The following SYT14 variants were observed in gnomAD, a reference collection of about 807,000 sequenced individuals.
SYT14 encodes synaptotagmin 14.
Under a neutral mutation model 74.2 loss-of-function variants are expected in SYT14, and 32 were observed. The ratio of observed to expected loss-of-function variants is 0.43; its 90% CI spans 0.33 to 0.58. The LOEUF is 0.58. Ranked by LOEUF, SYT14 falls within the 20% of genes least tolerant of loss-of-function variation. The probability of loss-of-function intolerance (pLI) is 0.05; values close to 1 mark genes in which losing one functional copy is unlikely to be tolerated. For synonymous variants in SYT14, 298 were observed against 337.7 expected (o/e 0.88, Z 1.29); for missense variants, 791 against 981.8 (o/e 0.81, Z 2.60).
At chr1:210,026,185 TCA>T (rs2080407620) in intron 5 of SYT14, among the ~76,000 whole-genome samples, 1 of 152,152 alleles carries the variant, frequency 6.6e-6, no homozygotes, top group African/African-American at 2.4e-5. Context: ...ATCCTTTTGT[TCA>T]CAGTTTTAAT....
chr1:209,969,593 T>C (rs2079213305), intron 2 of SYT14, among the ~76,000 whole-genome samples: 1 of 151,236 alleles, frequency 6.6e-6, no homozygotes, highest in South Asian at 2.1e-4. Flanking sequence ...GTTCAAGTGA[T>C]TCTCCTTCCT....
At chr1:209,954,783 G>A (rs984249139) in intron 2 of SYT14, among the ~76,000 whole-genome samples, 7 of 150,482 alleles carry the variant, frequency 4.7e-5, no homozygotes, top group Non-Finnish European at 8.8e-5. Flanking sequence ...TTGGCCCACT[G>A]CAACCTCTGC....
intron 5 of SYT14, among the ~76,000 whole-genome samples, chr1:210,042,967 G>A (rs1450551827): frequency 6.6e-6 from 1 of 152,156 alleles, no homozygotes; most frequent in East Asian, 1.9e-4. Context: ...TCACGATATT[G>A]ATTCTTCCTA....
chr1:210,008,347 C>G (rs1024614210), intron 2 of SYT14, among the ~76,000 whole-genome samples: 3 of 151,006 alleles, frequency 2.0e-5, no homozygotes, highest in African/African-American at 7.3e-5. Flanking sequence ...TAATTATTGG[C>G]TGTGTGCTTT....
chr1:210,087,266 A>T (rs1452901779), intron 5 of SYT14, among the ~76,000 whole-genome samples: 1 of 152,178 alleles, frequency 6.6e-6, no homozygotes, highest in East Asian at 1.9e-4. Flanking sequence ...AGGCTCTAGT[A>T]TCCCGATAGG....
intron 2 of SYT14, among the ~76,000 whole-genome samples, chr1:209,978,377 G>T (rs568348768): frequency 6.6e-6 from 1 of 152,116 alleles, no homozygotes; most frequent in African/African-American, 2.4e-5. Context: ...GTACAGATGG[G>T]ATTTTGGTGT....
chr1:209,948,688 A>T (rs1034849038), intron 1 of SYT14, among the ~76,000 whole-genome samples: 1 of 151,334 alleles, frequency 6.6e-6, no homozygotes, highest in Non-Finnish European at 1.5e-5. Context: ...ATAATGTTCT[A>T]TTTTTTTTTC....
At chr1:209,954,866 C>T (rs999666037) in intron 2 of SYT14, among the ~76,000 whole-genome samples, 32 of 151,858 alleles carry the variant, frequency 2.1e-4, no homozygotes, top group Non-Finnish European at 2.9e-4. Context: ...CCACCATGCC[C>T]GGCTAATTTT....
At chr1:209,994,094 G>C (rs1367499048) in intron 2 of SYT14, among the ~76,000 whole-genome samples, 1 of 152,136 alleles carries the variant, frequency 6.6e-6, no homozygotes, top group Non-Finnish European at 1.5e-5. Context: ...AAGCCAAAGT[G>C]TCCCCCTACC....
At chr1:210,051,735 CT>C (rs1003011948) in intron 5 of SYT14, among the ~76,000 whole-genome samples, 15 of 151,932 alleles carry the variant, frequency 9.9e-5, no homozygotes, top group Non-Finnish European at 2.1e-4. Flanking sequence ...CTCCTTCCTT[CT>C]TTTTTACATC....
chr1:209,946,913 G>A (rs536557997), intron 1 of SYT14, among the ~76,000 whole-genome samples: 7 of 152,298 alleles, frequency 4.6e-5, no homozygotes, highest in East Asian at 1.9e-4. Context: ...GCCCATTGAC[G>A]ATTCTGAAAA....
rs140822327 is a variant in SYT14, at chr1:210,105,503, A to G, written c.2034+5042A>G. Among the ~76,000 whole-genome samples the G allele has an allele frequency of 3.3e-5, 5 of 152,372 alleles. No individual in the cohort carries two copies. The East Asian group carries it at 9.6e-4, about 29-fold the overall frequency. The stretch of plus-strand genomic sequence containing the variant: ...TCGATATGTTGTATAAGGAGGAAGT[A>G]AACCATTGTTGAATTAAGCTGCTGA... On this transcript the variant is annotated intron_variant, in intron 7 of 9. Coordinates refer to ENST00000637265, the Ensembl canonical transcript of SYT14.
At chr1:210,148,729 A>G (rs1162597763) in intron 7 of SYT14, among the ~76,000 whole-genome samples, 2 of 152,142 alleles carry the variant, frequency 1.3e-5, no homozygotes, top group East Asian at 3.9e-4. Context: ...AGAAAGAGGA[A>G]AAAAAGATGG....
intron 7 of SYT14, among the ~76,000 whole-genome samples, chr1:210,137,737 G>A (rs2082819407): frequency 6.6e-6 from 1 of 150,868 alleles, no homozygotes; most frequent in African/African-American, 2.4e-5. Flanking sequence ...CTGGAGTGCG[G>A]TGGCGCAATC....
chr1:210,017,678 G>A (rs967672074), intron 4 of SYT14, among the ~76,000 whole-genome samples: 2 of 152,082 alleles, frequency 1.3e-5, no homozygotes, highest in Non-Finnish European at 2.9e-5. Context: ...TTATTCATGA[G>A]TTCTCTATGT....
intron 2 of SYT14, among the ~76,000 whole-genome samples, chr1:209,967,506 C>G (rs1348620136): frequency 6.6e-6 from 1 of 151,988 alleles, no homozygotes. Context: ...ATATATAGGC[C>G]TCTTCAGGTT....
At chr1:209,966,955 A>G (rs764988049) in intron 2 of SYT14, among the ~76,000 whole-genome samples, 1 of 152,208 alleles carries the variant, frequency 6.6e-6, no homozygotes, top group Non-Finnish European at 1.5e-5. Context: ...GTCTTTTGCC[A>G]GTAAGTATGA....
At chr1:210,147,595 C>G (rs1266504045) in intron 7 of SYT14, among the ~76,000 whole-genome samples, 5 of 152,110 alleles carry the variant, frequency 3.3e-5, no homozygotes, top group African/African-American at 9.7e-5. Context: ...ACATGCTAGA[C>G]ATTGTTCTAA....
At chr1:209,953,302 C>T (rs2078941604) in intron 2 of SYT14, 1 of 1,252,014 alleles carries the variant, frequency 8.0e-7, no homozygotes, top group Non-Finnish European at 1.0e-6. Context: ...CAGGTATTCT[C>T]TAGATTTGGA....
Sources: gnomAD v4.1 joint callset for allele counts (sites outside exome capture counted in the v4.1 genomes callset) on GRCh38, gnomAD v4.1.1 for gene constraint, MANE v1.5 for transcripts, NCBI Gene and HGNC (gene_info 2026-07-23, HGNC 2026-07-21) for gene names.